The following KCNAB1 variants were observed in gnomAD, a reference collection of about 807,000 sequenced individuals.
KCNAB1 encodes the protein voltage-gated potassium channel subunit beta-1.
In KCNAB1, 35 loss-of-function variants were observed where a neutral mutation model predicts 64.6. The observed-to-expected ratio is 0.54, with a 90% CI of 0.41 to 0.72. The LOEUF (loss-of-function observed/expected upper bound fraction) is 0.72. Among genes scored for constraint, KCNAB1 ranks in the 30% least tolerant of loss-of-function variants. KCNAB1 has a pLI of 0.00. For synonymous variants in KCNAB1, 177 were observed against 183.8 expected (o/e 0.96, Z 0.30); for missense variants, 401 against 512.9 (o/e 0.78, Z 2.11).
chr3:156,198,616 CTT>C (rs59410120), intron 1 of KCNAB1, among the ~76,000 whole-genome samples: 4,418 of 118,280 alleles, frequency 0.037, 93 homozygotes, highest in African/African-American at 0.066. Flanking sequence ...GCAAACCCTG[CTT>C]TTTTTTTTTT....
At chr3:156,176,117 G>C in intron 1 of KCNAB1, 1 of 768,412 alleles carries the variant, frequency 1.3e-6, no homozygotes, top group Non-Finnish European at 2.4e-6. Context: ...CTCTCTTTGG[G>C]GGCAAATGGC....
At chr3:156,291,649 C>T (rs1012747447) in intron 1 of KCNAB1, 3 of 1,366,814 alleles carry the variant, frequency 2.2e-6, no homozygotes, top group South Asian at 1.6e-5. Flanking sequence ...CTGATTCTCC[C>T]TCCAGCTGCT....
intron 1 of KCNAB1, among the ~76,000 whole-genome samples, chr3:156,401,322 C>T (rs1212151466): frequency 6.6e-6 from 1 of 152,256 alleles, no homozygotes; most frequent in Non-Finnish European, 1.5e-5. Flanking sequence ...GAACCAGCTG[C>T]AAGCTGGGTT....
At chr3:156,194,084 A>G (rs918167257) in intron 1 of KCNAB1, among the ~76,000 whole-genome samples, 1 of 152,098 alleles carries the variant, frequency 6.6e-6, no homozygotes, top group Non-Finnish European at 1.5e-5. Context: ...TCTGTATATT[A>G]TAGAACCCAT....
intron 1 of KCNAB1, among the ~76,000 whole-genome samples, chr3:156,309,409 C>T (rs1328040829): frequency 6.6e-6 from 1 of 152,224 alleles, no homozygotes; most frequent in Non-Finnish European, 1.5e-5. Context: ...CAGATGCCAG[C>T]ACTGGCTCTC....
At position 156,488,499 on chromosome 3, in the gene KCNAB1, C is replaced by T. The variant is rs183062936; in HGVS notation, c.658+13679C>T. Among the ~76,000 whole-genome samples the T allele has an allele frequency of 3.3e-3, 497 of 152,034 alleles. 2 individuals carry two copies. Among genetic ancestry groups the T allele is most frequent in the African/African-American group, 0.01 (420 of 41,500 alleles). On this transcript the variant is annotated intron_variant, in intron 8 of 13. Transcript: ENST00000490337. ...GGAGCCTTCTGTCATGTTTGAGGAA[C>T]GTCAAGGACATAGATGTGGCTGCAG...
Position 156,421,632 on chromosome 3 carries a change from G to T in KCNAB1, c.292G>T (p.Gly98Ter). The change falls in exon 2 of 14, where the codon GGA becomes TGA. Residue 98 changes from glycine to a stop codon, truncating the protein, a stop_gained. Coordinates refer to ENST00000490337, the MANE Select transcript of KCNAB1 (RefSeq NM_172160.3). LOFTEE classifies it high-confidence loss of function. ...TTATTATAGGAATCTTGGAAAATCA[G>T]GACTCAGAGTTTCTTGCTTGGGTCT... The part of the protein sequence containing the change: ...GMPHRNLGKS[G>*]LRVSCLGLGT... 2 of 1,614,036 alleles carry T rather than the reference G, an allele frequency of 1.2e-6. No homozygotes were observed. Among genetic ancestry groups the T allele is most frequent in the Non-Finnish European group, 1.7e-6 (2 of 1,179,922 alleles).
intron 8 of KCNAB1, among the ~76,000 whole-genome samples, chr3:156,498,867 T>G (rs556581345): frequency 6.6e-6 from 1 of 152,332 alleles, no homozygotes; most frequent in African/African-American, 2.4e-5. Context: ...AAGCATTTCT[T>G]TGAAGAATTG....
intron 4 of KCNAB1, 142 bp downstream of exon 4, chr3:156,457,674 C>T: frequency 1.4e-6 from 1 of 698,154 alleles, no homozygotes; most frequent in Non-Finnish European, 2.5e-6. Flanking sequence ...CCCTCTACCA[C>T]CATTACTAGA....
intron 1 of KCNAB1, among the ~76,000 whole-genome samples, chr3:156,301,981 A>G (rs1482568440): frequency 6.6e-6 from 1 of 152,240 alleles, no homozygotes; most frequent in East Asian, 1.9e-4. Context: ...AAACTAACAC[A>G]GATGTATTAT....
chr3:156,449,033 G>A (rs1033203980), intron 2 of KCNAB1, among the ~76,000 whole-genome samples: 16 of 151,910 alleles, frequency 1.1e-4, no homozygotes, highest in Non-Finnish European at 1.9e-4. Context: ...GTGTCGAAGG[G>A]CCAGGGAGGT....
chr3:156,211,186 C>T (rs1298639549), intron 1 of KCNAB1, among the ~76,000 whole-genome samples: 1 of 152,060 alleles, frequency 6.6e-6, no homozygotes, highest in African/African-American at 2.4e-5. Flanking sequence ...ATCAAATTAT[C>T]ATGACTGAAA....
At position 156,370,694 on chromosome 3, in the gene KCNAB1, A is replaced by T. The variant is rs1450109; in HGVS notation, c.276-50922A>T. On this transcript the variant is annotated intron_variant, in intron 1 of 13. Transcript: ENST00000490337. ...GGAATTAAAGCCCTCCCTGGATTGT[A>T]TCTCTCCCACTGTTGTGCCGAACTT... Among the ~76,000 whole-genome samples, 735 of 152,196 alleles carry T rather than the reference A, an allele frequency of 4.8e-3. 25 individuals are homozygous for T. In the South Asian group the frequency reaches 0.098, roughly 20 times the overall value.
chr3:156,479,238 T>C (rs975830547), intron 8 of KCNAB1, among the ~76,000 whole-genome samples: 32 of 152,168 alleles, frequency 2.1e-4, no homozygotes, highest in African/African-American at 7.2e-4. Flanking sequence ...CTGACAGTTC[T>C]TTATGCTCTA....
chr3:156,531,368 G>T, intron 12 of KCNAB1, 41 bp from the exon 13 acceptor site: 1 of 1,409,430 alleles, frequency 7.1e-7, no homozygotes, highest in African/African-American at 1.4e-5. Context: ...TCAACGATTG[G>T]AAGTGCTTTG....
chr3:156,477,760 G>A (rs1475720324), intron 8 of KCNAB1, among the ~76,000 whole-genome samples: 1 of 152,078 alleles, frequency 6.6e-6, no homozygotes, highest in Non-Finnish European at 1.5e-5. Flanking sequence ...ACCGGGGGAA[G>A]GTACTGATCT....
Position 156,537,307 on chromosome 3 carries a change from A to ATAT in KCNAB1, c.*562_*564dup. 5.6e-6 allele frequency: 2 copies of ATAT among 357,738 alleles called. No individual in the cohort carries two copies. The highest frequency in any genetic ancestry group is 9.9e-6 in the Non-Finnish European group (2 of 202,602). The allele number at this position is 357,738 out of a possible 1,614,324, so 22.2% of individuals were successfully genotyped here. ...GAAGAATAAGCAGAAATAATTTTAT[A>ATAT]TATTTTTTTTCTATTTTCACATTCA... On this transcript the variant is annotated 3_prime_UTR_variant, in exon 14 of 14. Transcript: ENST00000490337.
At chr3:156,259,733 G>A (rs919214273) in intron 1 of KCNAB1, among the ~76,000 whole-genome samples, 3 of 152,200 alleles carry the variant, frequency 2.0e-5, no homozygotes, top group Non-Finnish European at 4.4e-5. Flanking sequence ...ACACTCTGCT[G>A]TGCCCAGTAT....
At chr3:156,297,259 CTTTTTTTT>C (rs71141704) in intron 1 of KCNAB1, among the ~76,000 whole-genome samples, 120 of 96,532 alleles carry the variant, frequency 1.2e-3, no homozygotes, top group African/African-American at 3.4e-3. Context: ...TTGAGGTTGG[CTTTTTTTT>C]TTTTTTTTTT....
Sources: allele counts gnomAD v4.1 joint callset (sites outside exome capture counted in the v4.1 genomes callset), GRCh38; gene constraint gnomAD v4.1.1; transcripts MANE v1.5; gene names NCBI Gene and HGNC (gene_info 2026-07-23, HGNC 2026-07-21).